The following PCDHA7 variants were observed in gnomAD, a reference collection of about 807,000 sequenced individuals.
PCDHA7 encodes the protein protocadherin alpha-7.
Under a neutral mutation model 57.2 loss-of-function variants are expected in PCDHA7, and 37 were observed. That is an observed-to-expected ratio of 0.65 (90% CI 0.50 to 0.85). The LOEUF is 0.85. Among genes scored for constraint, PCDHA7 ranks in the 40% least tolerant of loss-of-function variants. The pLI, the probability that PCDHA7 is intolerant of heterozygous loss-of-function variation, is 0.00. For synonymous variants in PCDHA7, 553 were observed against 558.8 expected (o/e 0.99, Z 0.15); for missense variants, 1,188 against 1,241.8 (o/e 0.96, Z 0.65).
At chr5:140,843,320 G>C in intron 1 of PCDHA7, 2 of 1,596,056 alleles carry the variant, frequency 1.3e-6, no homozygotes, top group Non-Finnish European at 1.7e-6. Context: ...CACGGTTCTG[G>C]TGTCGCTGGT....
At chr5:140,841,791 C>A in intron 1 of PCDHA7, 1 of 1,613,854 alleles carries the variant, frequency 6.2e-7, no homozygotes, top group Non-Finnish European at 8.5e-7. Flanking sequence ...CTAGAGGGCG[C>A]GTCCGATGCA....
chr5:140,873,149 T>C (rs2054128037), intron 1 of PCDHA7, among the ~76,000 whole-genome samples: 1 of 152,218 alleles, frequency 6.6e-6, no homozygotes, highest in Non-Finnish European at 1.5e-5. Flanking sequence ...AGCCTATTCA[T>C]AGACTTTAGA....
intron 1 of PCDHA7, chr5:140,883,540 G>A (rs782359917): frequency 1.9e-6 from 3 of 1,614,222 alleles, no homozygotes; most frequent in Non-Finnish European, 2.5e-6. Context: ...ATGAACTGGT[G>A]GTGACCGCGC....
chr5:140,860,505 A>T (rs2046425472), intron 1 of PCDHA7: 1 of 152,218 alleles, frequency 6.6e-6, no homozygotes, highest in African/African-American at 2.4e-5. Flanking sequence ...TACATACAAG[A>T]TAAAACTCTT....
intron 1 of PCDHA7, chr5:140,876,048 T>C (rs376201695): frequency 6.2e-7 from 1 of 1,613,930 alleles, no homozygotes. Context: ...GTATATTGCC[T>C]GAATTAGTTC....
At chr5:140,870,992 T>C (rs782714479) in intron 1 of PCDHA7, 1 of 1,613,478 alleles carries the variant, frequency 6.2e-7, no homozygotes, top group South Asian at 1.1e-5. Context: ...ACGGGCGAGA[T>C]AAGCACAACG....
chr5:140,966,278 T>A, intron 1 of PCDHA7: 1 of 363,192 alleles, frequency 2.8e-6, no homozygotes, highest in Non-Finnish European at 4.9e-6. Context: ...AACTGGACAG[T>A]GGGGGTAGGG....
chr5:140,928,539 T>G, intron 1 of PCDHA7: 1 of 1,614,222 alleles, frequency 6.2e-7, no homozygotes. Context: ...TAGATAGGAA[T>G]GACAATTATC....
intron 1 of PCDHA7, chr5:140,871,154 G>T (rs781880372): frequency 2.5e-5 from 41 of 1,613,308 alleles, no homozygotes; most frequent in Non-Finnish European, 3.5e-5. Flanking sequence ...ACTTTGGCGG[G>T]CGCCGCGAGC....
At chr5:140,905,880 A>G (rs1485985374) in intron 1 of PCDHA7, among the ~76,000 whole-genome samples, 4 of 152,172 alleles carry the variant, frequency 2.6e-5, no homozygotes, top group Non-Finnish European at 1.5e-5. Flanking sequence ...AGGCCCAACA[A>G]TAGGCCATCT....
intron 1 of PCDHA7, among the ~76,000 whole-genome samples, chr5:140,881,178 G>A (rs924852150): frequency 2.0e-5 from 3 of 152,098 alleles, no homozygotes; most frequent in African/African-American, 7.2e-5. Flanking sequence ...TCTTTTCCTT[G>A]CTAAAGATAT....
At chr5:140,927,764 G>T (rs2084612834) in intron 1 of PCDHA7, 1 of 1,614,092 alleles carries the variant, frequency 6.2e-7, no homozygotes. Flanking sequence ...CCTAAAAGTG[G>T]GGAGGTGCAA....
chr5:140,853,607 T>C, intron 1 of PCDHA7: 1 of 987,062 alleles, frequency 1.0e-6, no homozygotes, highest in Non-Finnish European at 1.2e-6. Context: ...GCAAAGGGGG[T>C]GCTGTAAATA....
intron 1 of PCDHA7, among the ~76,000 whole-genome samples, chr5:140,945,947 A>C (rs2093865061): frequency 6.6e-6 from 1 of 152,132 alleles, no homozygotes; most frequent in Non-Finnish European, 1.5e-5. Flanking sequence ...TTTTTATATG[A>C]CCCTGAAAGC....
intron 1 of PCDHA7, among the ~76,000 whole-genome samples, chr5:140,960,366 ACT>A (rs2095543381): frequency 6.6e-6 from 1 of 152,188 alleles, no homozygotes; most frequent in Non-Finnish European, 1.5e-5. Flanking sequence ...TAATATGCCA[ACT>A]CTTAAGTGCC....
intron 1 of PCDHA7, among the ~76,000 whole-genome samples, chr5:140,899,871 T>G (rs76112838): frequency 0.014 from 2,117 of 152,008 alleles, 43 homozygotes; most frequent in African/African-American, 0.049. Context: ...GCAGTGGTAT[T>G]AACAGAACTC....
chr5:140,968,465 G>A lies in PCDHA7; in HGVS notation c.2356-10484G>A, dbSNP rs782606184. On this transcript the variant is annotated intron_variant, in intron 1 of 3. Coordinates refer to ENST00000525929, the MANE Select transcript of PCDHA7 (RefSeq NM_018910.3). ...ACTGAGCAGCACTGTGACTGCCAACGTATATGTGGTGGACATGAATGACCA... is the reference window on the plus strand; with the variant it reads ...ACTGAGCAGCACTGTGACTGCCAACATATATGTGGTGGACATGAATGACCA... 78 of 1,614,004 alleles carry A rather than the reference G, an allele frequency of 4.8e-5. No individual in the cohort carries two copies. Among genetic ancestry groups the A allele is most frequent in the Non-Finnish European group, 6.1e-5 (72 of 1,180,028 alleles).
At chr5:141,001,975 G>T (rs900969211) in intron 3 of PCDHA7, among the ~76,000 whole-genome samples, 2 of 152,302 alleles carry the variant, frequency 1.3e-5, no homozygotes, top group Non-Finnish European at 2.9e-5. Flanking sequence ...GTCTCTGCGC[G>T]GAAAGCCTGG....
intron 1 of PCDHA7, among the ~76,000 whole-genome samples, chr5:140,907,796 A>AG (rs2073616997): frequency 6.6e-6 from 1 of 152,214 alleles, no homozygotes; most frequent in African/African-American, 2.4e-5. Flanking sequence ...AAAGAGGCTA[A>AG]GTGGTGTCCA....
Sources: allele counts gnomAD v4.1 joint callset (sites outside exome capture counted in the v4.1 genomes callset), GRCh38; gene constraint gnomAD v4.1.1; transcripts MANE v1.5; gene names NCBI Gene and HGNC (gene_info 2026-07-23, HGNC 2026-07-21).